The following ATP2C1 variants were observed in gnomAD, a reference collection of about 807,000 sequenced individuals.
The protein encoded by ATP2C1 is calcium-transporting ATPase type 2C member 1.
Under a neutral mutation model 120.5 loss-of-function variants are expected in ATP2C1, and 31 were observed. The ratio of observed to expected loss-of-function variants is 0.26; its 90% confidence interval spans 0.19 to 0.35. ATP2C1 has a LOEUF of 0.35. Ranked by LOEUF, ATP2C1 falls within the 10% of genes least tolerant of loss-of-function variation. ATP2C1 has a pLI of 1.00. For synonymous variants in ATP2C1, 351 were observed against 358.7 expected (o/e 0.98, Z 0.24); for missense variants, 731 against 1,107.5 (o/e 0.66, Z 4.83).
intron 9 of ATP2C1, among the ~76,000 whole-genome samples, chr3:130,954,458 G>C (rs1015494283): frequency 9.2e-5 from 14 of 152,038 alleles, no homozygotes; most frequent in Non-Finnish European, 2.1e-4. Flanking sequence ...TACTAATATA[G>C]GCAAAAAATA....
Position 131,002,240 on chromosome 3 carries a change from T to A in ATP2C1, c.*890T>A, listed in dbSNP as rs1262944351. On this transcript the variant is annotated 3_prime_UTR_variant, in exon 28 of 28. Transcript: ENST00000510168. ...CATTTTGTCATCCTCTAAATATAAA[T>A]CCAAATACCTCAGCTAAGTAATTCT... The A allele has an allele frequency of 1.0e-6, 1 of 966,868 alleles. No individual in the cohort carries two copies. The highest frequency in any genetic ancestry group is 1.1e-4 in the East Asian group (1 of 8,734). 59.9% of individuals were successfully genotyped at this position (966,868 alleles called of 1,614,324 possible).
intron 11 of ATP2C1, among the ~76,000 whole-genome samples, chr3:130,958,016 C>T (rs1047039997): frequency 2.6e-5 from 4 of 152,096 alleles, no homozygotes; most frequent in African/African-American, 9.7e-5. Context: ...GATTATTGCT[C>T]ATTTTCTAGA....
intron 26 of ATP2C1, 149 bp downstream of exon 26, chr3:130,998,538 G>A (rs1186101303): frequency 1.2e-5 from 8 of 685,900 alleles, no homozygotes; most frequent in Non-Finnish European, 1.8e-5. Context: ...TTATAAACAT[G>A]TGCCATTGGT....
At chr3:130,979,784 G>A (rs558541046) in intron 19 of ATP2C1, among the ~76,000 whole-genome samples, 1 of 152,096 alleles carries the variant, frequency 6.6e-6, no homozygotes, top group Non-Finnish European at 1.5e-5. Context: ...AAGCAGACTT[G>A]TGCATAATTT....
chr3:130,975,761 G>T (rs1164322427), intron 18 of ATP2C1, among the ~76,000 whole-genome samples: 3 of 152,196 alleles, frequency 2.0e-5, no homozygotes, highest in African/African-American at 7.2e-5. Flanking sequence ...TTTATCTTAT[G>T]AGAAGGGAAA....
chr3:131,006,959 C>T (rs1033701193), downstream of ATP2C1, among the ~76,000 whole-genome samples: 10 of 152,128 alleles, frequency 6.6e-5, 1 homozygote, highest in South Asian at 4.1e-4. Flanking sequence ...TGAGCCATCA[C>T]GCCCAGCCTC....
rs1249591540 is a variant in ATP2C1 at position 130,998,294 on chromosome 3, C to T, written c.2392C>T (p.Leu798=). Reference sequence around the variant, plus strand: ...TAATTTTGTTATTGCCTCTTGACAGCTACGAGACAATGTGATTACACCTCG... The same window carrying T: ...TAATTTTGTTATTGCCTCTTGACAGTTACGAGACAATGTGATTACACCTCG... ...CGTLFVFWRE[L]RDNVITPRDT... The change falls in exon 26 of 28, where the codon CTA becomes TTA. Residue 798 remains leucine, a splice_region_variant and synonymous_variant. Transcript: ENST00000510168. The T allele has an allele frequency of 6.2e-7, 1 of 1,603,418 alleles. No individual in the cohort carries two copies.
chr3:130,917,810 C>T (rs2058752274), intron 2 of ATP2C1, among the ~76,000 whole-genome samples: 1 of 152,156 alleles, frequency 6.6e-6, no homozygotes. Flanking sequence ...CTCCATTTCC[C>T]CTTCTCCCAG....
At chr3:130,919,151 C>T (rs1479773009) in intron 2 of ATP2C1, 5 of 288,218 alleles carry the variant, frequency 1.7e-5, no homozygotes, top group Middle Eastern at 1.1e-3. Flanking sequence ...GCATCACAGG[C>T]GGAGCTAGAG....
In ATP2C1 at chr3:130,860,974, G is replaced by A. The variant is rs150952502; in HGVS notation, c.108+10046G>A. On this transcript the variant is annotated intron_variant, in intron 1 of 26. Transcript: ENST00000504381. ...GTTTAAGAAAAAGAATATAAAATCTGTATCAGGTTTCTCGACATGGTGCGG... is the reference window on the plus strand; with the variant it reads ...GTTTAAGAAAAAGAATATAAAATCTATATCAGGTTTCTCGACATGGTGCGG... Among the ~76,000 whole-genome samples the A allele has an allele frequency of 1.4e-3, 219 of 152,282 alleles. 1 individual carries two copies. Among genetic ancestry groups the A allele is most frequent in the African/African-American group, 4.2e-3 (176 of 41,544 alleles).
intron 2 of ATP2C1, among the ~76,000 whole-genome samples, chr3:130,922,987 A>G (rs2059034282): frequency 6.6e-6 from 1 of 152,224 alleles, no homozygotes; most frequent in Admixed American, 6.5e-5. Flanking sequence ...GTTGTAGGGT[A>G]TAGTCTTAAG....
chr3:130,937,887 G>A (rs1045544094), intron 6 of ATP2C1, among the ~76,000 whole-genome samples: 5 of 152,150 alleles, frequency 3.3e-5, no homozygotes, highest in Admixed American at 6.5e-5. Context: ...TTAAAAGGTC[G>A]ATCTGTGATG....
downstream of ATP2C1, among the ~76,000 whole-genome samples, chr3:131,005,515 G>A (rs1488371552): frequency 6.6e-6 from 1 of 152,190 alleles, no homozygotes; most frequent in Non-Finnish European, 1.5e-5. Flanking sequence ...GAATAGTAGA[G>A]CTATTAGCAG....
At chr3:130,995,553 A>C (rs1167250561) in intron 22 of ATP2C1, among the ~76,000 whole-genome samples, 1 of 152,246 alleles carries the variant, frequency 6.6e-6, no homozygotes. Context: ...AAATTAGTTC[A>C]GGTAGAGCTT....
At chr3:130,887,712 T>C (rs921782661) in intron 1 of ATP2C1, among the ~76,000 whole-genome samples, 50 of 152,120 alleles carry the variant, frequency 3.3e-4, no homozygotes, top group African/African-American at 1.1e-3. Context: ...GGCTTGGACA[T>C]ACCCTTCAGG....
intron 2 of ATP2C1, among the ~76,000 whole-genome samples, chr3:130,906,711 A>C (rs776962010): frequency 4.8e-4 from 69 of 142,760 alleles, no homozygotes; most frequent in Non-Finnish European, 8.3e-4. Context: ...CCTAGGGGGT[A>C]TGAAGTGGTT....
At chr3:130,942,041 GAGA>G (rs1264103766) in intron 8 of ATP2C1, among the ~76,000 whole-genome samples, 1 of 152,162 alleles carries the variant, frequency 6.6e-6, no homozygotes, top group African/African-American at 2.4e-5. Context: ...AATTGAGTAA[GAGA>G]AGTTCAAAGA....
At chr3:130,897,471 C>T (rs180922614) in intron 2 of ATP2C1, among the ~76,000 whole-genome samples, 13 of 152,304 alleles carry the variant, frequency 8.5e-5, no homozygotes, top group Admixed American at 7.2e-4. Flanking sequence ...GTTTGACATA[C>T]AGTTAACTTG....
intron 2 of ATP2C1, among the ~76,000 whole-genome samples, chr3:130,906,402 C>T (rs1420860494): frequency 2.6e-5 from 4 of 152,026 alleles, no homozygotes; most frequent in African/African-American, 9.7e-5. Context: ...AATAATATTC[C>T]ATTGTATGGA....
Sources: allele counts gnomAD v4.1 joint callset (sites outside exome capture counted in the v4.1 genomes callset), GRCh38; gene constraint gnomAD v4.1.1; transcripts MANE v1.5; gene names NCBI Gene and HGNC (gene_info 2026-07-23, HGNC 2026-07-21).